SIPA1L3: variants seen among roughly 807,000 people sequenced by gnomAD.
SIPA1L3 encodes the protein signal induced proliferation associated 1 like 3, also known as signal-induced proliferation-associated 1-like protein 3.
SIPA1L3 carries 59 observed loss-of-function variants against 150.1 expected under a neutral mutation model. The ratio of observed to expected loss-of-function variants is 0.39; its 90% CI spans 0.32 to 0.49. The LOEUF is 0.49. Ranked by LOEUF, SIPA1L3 falls within the 20% of genes least tolerant of loss-of-function variation. SIPA1L3 has a pLI of 0.86. For missense variants in SIPA1L3, 2,211 were observed against 2,489.5 expected, an observed-to-expected ratio of 0.89 and a Z score of 2.38; for synonymous variants, 1,070 against 1,077.6, an observed-to-expected ratio of 0.99 and a Z score of 0.14.
chr19:37,993,052 C>T (rs1038831950), intron 1 of SIPA1L3, among the ~76,000 whole-genome samples: 6 of 152,124 alleles, frequency 3.9e-5, no homozygotes, highest in South Asian at 2.1e-4. Context: ...ACCCAGTCAC[C>T]GTTGGTTGTT....
intron 13 of SIPA1L3, among the ~76,000 whole-genome samples, chr19:38,158,908 T>G (rs940944590): frequency 1.3e-5 from 2 of 152,150 alleles, no homozygotes; most frequent in Non-Finnish European, 2.9e-5. Flanking sequence ...CGAGTTCAAG[T>G]GTCAAGTCAG....
At chr19:38,112,525 A>G (rs1245013012) in intron 8 of SIPA1L3, among the ~76,000 whole-genome samples, 3 of 152,064 alleles carry the variant, frequency 2.0e-5, no homozygotes, top group Non-Finnish European at 4.4e-5. Flanking sequence ...TCTCTCACAC[A>G]CAAACCTTTC....
At chr19:38,103,524 A>G (rs1970553816) in intron 6 of SIPA1L3, among the ~76,000 whole-genome samples, 1 of 151,910 alleles carries the variant, frequency 6.6e-6, no homozygotes, top group African/African-American at 2.4e-5. Flanking sequence ...GCTACTTGGG[A>G]AGCTGAGGCA....
intron 6 of SIPA1L3, among the ~76,000 whole-genome samples, chr19:38,102,490 C>T (rs1312049930): frequency 6.6e-6 from 1 of 150,636 alleles, no homozygotes; most frequent in African/African-American, 2.4e-5. Flanking sequence ...AGCAGGATGA[C>T]TCACACCTGT....
intron 3 of SIPA1L3, among the ~76,000 whole-genome samples, chr19:38,084,660 A>T (rs1253928353): frequency 8.5e-6 from 1 of 118,266 alleles, no homozygotes; most frequent in African/African-American, 3.5e-5. Flanking sequence ...TTTTTGAGGC[A>T]GTCTCGCTCT....
intron 1 of SIPA1L3, among the ~76,000 whole-genome samples, chr19:37,962,339 T>G (rs905520532): frequency 6.6e-6 from 1 of 152,016 alleles, no homozygotes; most frequent in Non-Finnish European, 1.5e-5. Flanking sequence ...AGATGGGGTT[T>G]CCCCATGTTG....
chr19:38,200,950 G>T (rs1200945445), intron 19 of SIPA1L3: 2 of 152,254 alleles, frequency 1.3e-5, no homozygotes, highest in Admixed American at 1.3e-4. Context: ...AAAGTAAATG[G>T]GCAAAGTATT....
At chr19:38,125,937 G>T (rs909197539) in intron 9 of SIPA1L3, among the ~76,000 whole-genome samples, 2 of 152,170 alleles carry the variant, frequency 1.3e-5, no homozygotes, top group South Asian at 4.1e-4. Flanking sequence ...ACTTTGGAAG[G>T]CCGAGGCGGG....
intron 1 of SIPA1L3, among the ~76,000 whole-genome samples, chr19:37,916,068 C>T (rs2046412194): frequency 6.6e-6 from 1 of 151,944 alleles, no homozygotes; most frequent in African/African-American, 2.4e-5. Flanking sequence ...ACTCTGTTGC[C>T]CAGGCTGGAG....
intron 18 of SIPA1L3, 21 bp from the exon 19 acceptor site, chr19:38,198,368 A>G (rs1973012019): frequency 1.3e-6 from 2 of 1,514,964 alleles, no homozygotes; most frequent in African/African-American, 1.4e-5. Flanking sequence ...AACCACTGCC[A>G]TCTCCACCCT....
intron 3 of SIPA1L3, among the ~76,000 whole-genome samples, chr19:38,085,144 A>T (rs1320989614): frequency 6.6e-6 from 1 of 152,116 alleles, no homozygotes; most frequent in East Asian, 1.9e-4. Flanking sequence ...TCAATATCAC[A>T]TGCACAAACA....
chr19:38,098,591 T>C (rs1970432368), intron 4 of SIPA1L3, among the ~76,000 whole-genome samples: 2 of 152,078 alleles, frequency 1.3e-5, no homozygotes, highest in South Asian at 2.1e-4. Flanking sequence ...GACAGGGTTT[T>C]GCCATGTTGG....
intron 1 of SIPA1L3, among the ~76,000 whole-genome samples, chr19:38,024,950 A>G (rs1209723857): frequency 2.0e-5 from 3 of 152,114 alleles, no homozygotes; most frequent in Non-Finnish European, 4.4e-5. Flanking sequence ...GTACTCAGGT[A>G]TTCTCATCAG....
At chr19:38,111,392 T>C (rs1355764231) in intron 8 of SIPA1L3, among the ~76,000 whole-genome samples, 2 of 152,152 alleles carry the variant, frequency 1.3e-5, no homozygotes, top group African/African-American at 2.4e-5. Context: ...TCATATTCCA[T>C]TGTATGGATG....
At chr19:38,133,552 G>A (rs1971364300) in intron 10 of SIPA1L3, among the ~76,000 whole-genome samples, 2 of 152,162 alleles carry the variant, frequency 1.3e-5, no homozygotes, top group African/African-American at 4.8e-5. Context: ...ACAGAGGACA[G>A]CCAAGGCCTT....
chr19:38,098,791 TG>T (rs1338453536), intron 4 of SIPA1L3, among the ~76,000 whole-genome samples: 7 of 152,166 alleles, frequency 4.6e-5, no homozygotes, highest in African/African-American at 1.7e-4. Context: ...ATCTGGGGAA[TG>T]GGAATGAGAT....
chr19:38,028,543 C>T (rs904400254), intron 1 of SIPA1L3, among the ~76,000 whole-genome samples: 1 of 152,192 alleles, frequency 6.6e-6, no homozygotes, highest in Admixed American at 6.5e-5. Context: ...TAGGTTTCAT[C>T]AAGGTTCCAC....
At chr19:38,109,078 G>T (rs1283941618) in intron 7 of SIPA1L3, among the ~76,000 whole-genome samples, 1 of 152,168 alleles carries the variant, frequency 6.6e-6, no homozygotes, top group Middle Eastern at 3.2e-3. Flanking sequence ...GAAGATAACA[G>T]AGTCTTCCTC....
At chr19:37,971,438 C>G (rs190377338) in intron 1 of SIPA1L3, among the ~76,000 whole-genome samples, 1 of 152,176 alleles carries the variant, frequency 6.6e-6, no homozygotes, top group Non-Finnish European at 1.5e-5. Context: ...CCCATCCCTT[C>G]AGCCCCTGGC....
Sources: gnomAD v4.1 joint callset for allele counts (sites outside exome capture counted in the v4.1 genomes callset) on GRCh38, gnomAD v4.1.1 for gene constraint, MANE v1.5 for transcripts, NCBI Gene and HGNC (gene_info 2026-07-23, HGNC 2026-07-21) for gene names.